SPTB: variants seen among roughly 807,000 people sequenced by gnomAD.
SPTB encodes the protein spectrin beta, erythrocytic.
Under a neutral mutation model 256.2 loss-of-function variants are expected in SPTB, and 45 were observed. That is an observed-to-expected ratio of 0.18 (90% CI 0.14 to 0.23). The LOEUF (loss-of-function observed/expected upper bound fraction) is 0.23, where lower values mean the gene tolerates loss of function less well. Ranked by LOEUF, SPTB falls within the 10% of genes least tolerant of loss-of-function variation. SPTB has a pLI of 1.00. For synonymous variants in SPTB, 1,231 were observed against 1,243.1 expected, an observed-to-expected ratio of 0.99 and a Z score of 0.21; for missense variants, 2,715 against 3,040.4, an observed-to-expected ratio of 0.89 and a Z score of 2.52.
intron 1 of SPTB, among the ~76,000 whole-genome samples, chr14:64,864,781 G>A (rs745415180): frequency 1.7e-4 from 26 of 152,044 alleles, no homozygotes; most frequent in Non-Finnish European, 1.5e-4. Flanking sequence ...TAACATGTTC[G>A]TGTTATAATT....
At chr14:64,849,846 G>A (rs1193770319) in intron 1 of SPTB, among the ~76,000 whole-genome samples, 1 of 152,214 alleles carries the variant, frequency 6.6e-6, no homozygotes, top group African/African-American at 2.4e-5. Context: ...GCTCTCATCT[G>A]CAGACCCTTG....
chr14:64,768,807 G>A (rs569453900), intron 29 of SPTB, among the ~76,000 whole-genome samples: 2 of 152,314 alleles, frequency 1.3e-5, no homozygotes, highest in African/African-American at 4.8e-5. Context: ...TGGGCAGGGA[G>A]TGGGGGCACG....
chr14:64,867,859 CA>C (rs35825614), intron 1 of SPTB, among the ~76,000 whole-genome samples: 458 of 123,822 alleles, frequency 3.7e-3, no homozygotes, highest in African/African-American at 0.016. Context: ...GACTCTGTCT[CA>C]AAAAAAAAAA....
At chr14:64,773,040 G>A in intron 25 of SPTB, 86 bp from the exon 26 acceptor site, 2 of 1,572,120 alleles carry the variant, frequency 1.3e-6, no homozygotes, top group East Asian at 2.3e-5. Flanking sequence ...TTCCCAGGCA[G>A]CAACTGCAGC....
chr14:64,766,156 GTT>G (rs1248465948), intron 32 of SPTB, among the ~76,000 whole-genome samples: 1 of 148,862 alleles, frequency 6.7e-6, no homozygotes, highest in Non-Finnish European at 1.5e-5. Context: ...GGTGTGGTGT[GTT>G]TGTGTGTATG....
At position 64,786,067 on chromosome 14, in the gene SPTB, T is replaced by C. The variant is rs1481771197; in HGVS notation, c.3562-116A>G. On this transcript the variant is annotated intron_variant, in intron 16 of 35. Transcript: ENST00000644917. This position sits in a 1 kb window ranked among gnomAD's most constrained non-coding sequence, Gnocchi z 5.6. ...CAGGCCACGGTATGAATGAGCCCCC[T>C]AGAGTAGTACAGGGAGGAGGCACTA... 9.3e-7 allele frequency: 1 copy of C among 1,079,764 alleles called. No individual in the cohort carries two copies. Among genetic ancestry groups the C allele is most frequent in the Non-Finnish European group, 1.4e-6 (1 of 714,504 alleles). The allele number at this position is 1,079,764 out of a possible 1,614,324, so 66.9% of individuals were successfully genotyped here. A position where few individuals can be genotyped will look rare whatever the true frequency, so the allele number is the denominator to read the frequency against.
intron 1 of SPTB, among the ~76,000 whole-genome samples, chr14:64,829,496 C>A (rs534335767): frequency 6.6e-6 from 1 of 152,140 alleles, no homozygotes; most frequent in Non-Finnish European, 1.5e-5. Flanking sequence ...AGGAATTAGT[C>A]AATTGTGTTA....
Position 64,749,354 on chromosome 14 carries a change from G to C in SPTB, c.6939C>G (p.Gly2313=). 1 of 1,610,472 alleles carries C rather than the reference G, an allele frequency of 6.2e-7. No homozygotes were observed. Among genetic ancestry groups the C allele is most frequent in the Non-Finnish European group, 8.5e-7 (1 of 1,179,612 alleles). The part of the protein sequence containing the change: ...PSLSGPDASL[G]KKDKEKRFSF... ...TGAATCTCTTCTCCTTGTCTTTCTT[G>C]CCGAGGCTGGCGTCGGGGCCGGAGA... Residue 2313 remains glycine, a synonymous_variant, in exon 36 of 36, where the codon GGC becomes GGG. Coordinates refer to ENST00000644917, the MANE Select transcript of SPTB (RefSeq NM_001355436.2). This position sits in a 1 kb window ranked among gnomAD's most constrained non-coding sequence, Gnocchi z 4.7.
At chr14:64,830,043 CCTCCCTGGTCACCCTCTCTAAGGTAG>C (rs1342381146) in intron 1 of SPTB, among the ~76,000 whole-genome samples, 1 of 152,184 alleles carries the variant, frequency 6.6e-6, no homozygotes, top group Non-Finnish European at 1.5e-5. Context: ...TTGTGGAAGT[CCTCCCTGGTCACCCTCTCTAAGGTAG>C]CTCCCCGCTC....
Position 64,749,201 on chromosome 14 carries a change from C to G in SPTB, c.*105G>C. 7.2e-7 allele frequency: 1 copy of G among 1,397,674 alleles called. No individual in the cohort carries two copies. The highest frequency in any genetic ancestry group is 9.7e-7 in the Non-Finnish European group (1 of 1,029,118). The allele number at this position is 1,397,674 out of a possible 1,614,324, so 86.6% of individuals were successfully genotyped here. ...GGGCCCGGGGGCCCGGCCCGCGACT[C>G]GACTCATCTCGATTCGACCGGCGGG... On this transcript the variant is annotated 3_prime_UTR_variant, in exon 36 of 36. Transcript: ENST00000644917. This position sits in a 1 kb window ranked among gnomAD's most constrained non-coding sequence, Gnocchi z 4.7.
chr14:64,871,996 A>T (rs182148441), intron 1 of SPTB, among the ~76,000 whole-genome samples: 4 of 152,350 alleles, frequency 2.6e-5, no homozygotes, highest in African/African-American at 9.6e-5. Context: ...ACTGATCTAA[A>T]AGTAACAGTA....
Position 64,749,551 on chromosome 14 carries a change from C to G in SPTB, c.6820-78G>C. 1 of 1,602,496 alleles carries G rather than the reference C, an allele frequency of 6.2e-7. No individual in the cohort carries two copies. On this transcript the variant is annotated intron_variant, in intron 35 of 35. Coordinates refer to ENST00000644917, the MANE Select transcript of SPTB (RefSeq NM_001355436.2). This position sits in a 1 kb window ranked among gnomAD's most constrained non-coding sequence, Gnocchi z 4.7. ...CCGGGCCAGGCAACAATGGTGGGGG[C>G]TCTTGGGACTGCCCCTTCTGAGGGG... is the stretch of plus-strand genomic sequence containing the variant.
At position 64,758,786 on chromosome 14, in the gene SPTB, G is replaced by T. The variant is rs144027529; in HGVS notation, c.6346-4993C>A. ...TGCTGGCAGGCTCCTTGCTCACGGG[G>T]GAGGAGGGGTGTGGGAGCCTGACAC... On this transcript the variant is annotated intron_variant, in intron 32 of 35. Transcript: ENST00000644917. This position sits in a 1 kb window ranked among gnomAD's most constrained non-coding sequence, Gnocchi z 4.6. 3.7e-4 allele frequency among the ~76,000 whole-genome samples: 57 copies of T among 152,334 alleles called. No individual in the cohort carries two copies. The highest frequency in any genetic ancestry group is 1.3e-3 in the African/African-American group (56 of 41,576).
At chr14:64,861,417 GGTTCTTTGTATGTGACAGGGCTCGGCAA>G (rs2083968463) in intron 1 of SPTB, among the ~76,000 whole-genome samples, 1 of 152,180 alleles carries the variant, frequency 6.6e-6, no homozygotes, top group African/African-American at 2.4e-5. Context: ...CACCTATCAT[GGTTCTTTGTATGTGACAGGGCTCGGCAA>G]GTGTTCTCGA....
chr14:64,809,562 G>T (rs1268386327), intron 2 of SPTB, among the ~76,000 whole-genome samples: 4 of 152,100 alleles, frequency 2.6e-5, no homozygotes, highest in Admixed American at 2.0e-4. Context: ...GGCCAGGCTG[G>T]TCTTGAACTC....
intron 19 of SPTB, among the ~76,000 whole-genome samples, chr14:64,783,234 C>G (rs866674981): frequency 5.3e-5 from 8 of 151,472 alleles, no homozygotes; most frequent in African/African-American, 1.9e-4. Context: ...GACAGCGTCT[C>G]TCTCTGTTGC....
chr14:64,832,516 C>T (rs1054147716), intron 1 of SPTB, among the ~76,000 whole-genome samples: 1 of 152,166 alleles, frequency 6.6e-6, no homozygotes, highest in Non-Finnish European at 1.5e-5. Flanking sequence ...TGTTCCTAGG[C>T]TATTTTCTTC....
At position 64,807,065 on chromosome 14, in the gene SPTB, C is replaced by T. The variant is rs779316689; in HGVS notation, c.149-1975G>A. ...CCATACTGGACGGAAAGCAATTGCA[C>T]TTATTTTGGGGCATTTTTAGATTCA... On this transcript the variant is annotated intron_variant, in intron 2 of 35. Transcript: ENST00000644917. This position sits in a 1 kb window ranked among gnomAD's most constrained non-coding sequence, Gnocchi z 4.7. Among the ~76,000 whole-genome samples the T allele has an allele frequency of 3.3e-5, 5 of 152,124 alleles. No individual in the cohort carries two copies. The highest frequency in any genetic ancestry group is 3.8e-4 in the East Asian group (2 of 5,196).
chr14:64,860,526 T>C (rs1375546947), intron 1 of SPTB, among the ~76,000 whole-genome samples: 2 of 151,672 alleles, frequency 1.3e-5, no homozygotes, highest in Non-Finnish European at 2.9e-5. Context: ...TTTATAACTA[T>C]GCTTCAAAAC....
Sources: gnomAD v4.1 joint callset for allele counts (sites outside exome capture counted in the v4.1 genomes callset) on GRCh38, gnomAD v4.1.1 for gene constraint, Gnocchi (gnomAD v3.1) non-coding constraint, MANE v1.5 for transcripts, NCBI Gene and HGNC (gene_info 2026-07-23, HGNC 2026-07-21) for gene names.